The following IL1RAPL1 variants were observed in gnomAD, a reference collection of about 807,000 sequenced individuals.
IL1RAPL1 encodes interleukin-1 receptor accessory protein-like 1.
IL1RAPL1 carries 3 observed loss-of-function variants against 48.4 expected under a neutral mutation model. The ratio of observed to expected loss-of-function variants is 0.06; its 90% CI spans 0.03 to 0.16. IL1RAPL1 has a LOEUF of 0.16. Ranked by LOEUF, IL1RAPL1 falls within the 10% of genes least tolerant of loss-of-function variation. IL1RAPL1 has a pLI of 1.00. For missense variants in IL1RAPL1, 349 were observed against 530.6 expected (o/e 0.66, Z 3.36); for synonymous variants, 185 against 187.7 (o/e 0.99, Z 0.12).
intron 6 of IL1RAPL1, among the ~76,000 whole-genome samples, chrX:29,709,910 T>C (rs1340825126): frequency 2.0e-4 from 22 of 112,124 alleles, no homozygotes; most frequent in South Asian, 3.6e-4. Context: ...CTAAGTATTT[T>C]ACTGTTTTTA....
At chrX:29,605,997 G>A (rs1214479602) in intron 5 of IL1RAPL1, among the ~76,000 whole-genome samples, 5 of 111,813 alleles carry the variant, frequency 4.5e-5, no homozygotes, top group Non-Finnish European at 7.5e-5. Context: ...TGTTTTCTCC[G>A]TAGTAAGAAA....
rs749044771 is a variant in IL1RAPL1, at chrX:29,222,510, C to G, written c.83-60428C>G. Among the ~76,000 whole-genome samples the G allele has an allele frequency of 2.7e-5, 3 of 111,958 alleles. No individual in the cohort carries two copies. The East Asian group carries it at 8.4e-4, about 31-fold the overall frequency. ...ATTATTGGAACATAAGGACATATGA[C>G]TGACTACCTTGCACTTAGGAGTTGT... On this transcript the variant is annotated intron_variant, in intron 2 of 10. Coordinates refer to ENST00000378993, the MANE Select transcript of IL1RAPL1 (RefSeq NM_014271.4).
chrX:29,010,536 C>G (rs778336311), intron 2 of IL1RAPL1, among the ~76,000 whole-genome samples: 2 of 111,948 alleles, frequency 1.8e-5, no homozygotes, highest in Non-Finnish European at 3.8e-5. Flanking sequence ...CTTATACATT[C>G]ATATTTTTAA....
At chrX:29,178,768 T>G (rs1245207193) in intron 2 of IL1RAPL1, among the ~76,000 whole-genome samples, 2 of 112,129 alleles carry the variant, frequency 1.8e-5, no homozygotes, top group African/African-American at 6.5e-5. Context: ...GAATTAATTT[T>G]TGTAAAAGGT....
chrX:29,158,967 T>C (rs1244537167), intron 2 of IL1RAPL1, among the ~76,000 whole-genome samples: 1 of 78,208 alleles, frequency 1.3e-5, no homozygotes, highest in Non-Finnish European at 2.4e-5. Flanking sequence ...TCTCTCTCTC[T>C]CTCTCTTTCC....
At chrX:29,252,031 C>CGGCCGG (rs1569269843) in intron 2 of IL1RAPL1, among the ~76,000 whole-genome samples, 6 of 92,094 alleles carry the variant, frequency 6.5e-5, no homozygotes, top group Admixed American at 2.5e-4. Context: ...AACCAAACAC[C>CGGCCGG]GCGTGTTCTC....
intron 5 of IL1RAPL1, 40 bp from the exon 6 acceptor site, chrX:29,668,390 A>AACT (rs1270283243): frequency 9.3e-7 from 1 of 1,079,315 alleles, no homozygotes; most frequent in Non-Finnish European, 1.3e-6. Context: ...TATGCAGCAT[A>AACT]ACTATAAGTC....
chrX:28,704,421 A>ACACAC (rs1935340175), intron 1 of IL1RAPL1, among the ~76,000 whole-genome samples: 2 of 89,522 alleles, frequency 2.2e-5, no homozygotes, highest in African/African-American at 8.2e-5. Context: ...AAAACACACA[A>ACACAC]ACACACACAC....
At chrX:28,764,025 C>T (rs1024645655) in intron 1 of IL1RAPL1, among the ~76,000 whole-genome samples, 1 of 111,280 alleles carries the variant, frequency 9.0e-6, no homozygotes, top group Non-Finnish European at 1.9e-5. Flanking sequence ...GAACTTGAAA[C>T]TCTGCTCAAT....
intron 5 of IL1RAPL1, among the ~76,000 whole-genome samples, chrX:29,438,133 C>A (rs1480700356): frequency 9.0e-6 from 1 of 110,751 alleles, no homozygotes; most frequent in Non-Finnish European, 1.9e-5. Context: ...GAGAATAGAT[C>A]CATTTTATCT....
At chrX:29,517,972 G>A (rs1333474947) in intron 5 of IL1RAPL1, among the ~76,000 whole-genome samples, 1 of 111,864 alleles carries the variant, frequency 8.9e-6, no homozygotes, top group East Asian at 2.8e-4. Context: ...TTTCCAGAGA[G>A]AAGAGGAAGA....
chrX:28,665,484 AC>A (rs2146911355), intron 1 of IL1RAPL1, among the ~76,000 whole-genome samples: 1 of 110,938 alleles, frequency 9.0e-6, no homozygotes, highest in South Asian at 3.9e-4. Context: ...TATAAGTGGT[AC>A]TTTTTTTTTG....
At chrX:29,621,323 G>T (rs1346784706) in intron 5 of IL1RAPL1, among the ~76,000 whole-genome samples, 1 of 111,040 alleles carries the variant, frequency 9.0e-6, no homozygotes, top group Non-Finnish European at 1.9e-5. Flanking sequence ...ACATGAACAT[G>T]TATAAGTATA....
Position 28,615,199 on chromosome X carries a change from G to GTTTTTTTT in IL1RAPL1, c.-25+27180_-25+27187dup, listed in dbSNP as rs778402885. Among the ~76,000 whole-genome samples the GTTTTTTTT allele has an allele frequency of 3.7e-3, 96 of 26,033 alleles. 14 individuals carry two copies. The highest frequency in any genetic ancestry group is 6.0e-3 in the African/African-American group (42 of 7,043). 22.6% of individuals were successfully genotyped at this position (26,033 alleles called of 115,157 possible). The stretch of plus-strand genomic sequence containing the variant: ...CACTGCGCCTGGCCAACTGTTGTCT[G>GTTTTTTTT]TTTTTTTTTTTTTTTTTTTTTTTTT... On this transcript the variant is annotated intron_variant, in intron 1 of 10. Transcript: ENST00000378993.
chrX:29,538,035 C>T (rs952622300), intron 5 of IL1RAPL1, among the ~76,000 whole-genome samples: 2 of 110,112 alleles, frequency 1.8e-5, no homozygotes, highest in Non-Finnish European at 3.8e-5. Flanking sequence ...AATATATGAC[C>T]GTGTTTACTA....
chrX:28,838,017 T>A (rs1257950848), intron 2 of IL1RAPL1, among the ~76,000 whole-genome samples: 1 of 110,600 alleles, frequency 9.0e-6, no homozygotes, highest in Non-Finnish European at 1.9e-5. Context: ...AGATTATGTA[T>A]CTTTGAGTGT....
intron 3 of IL1RAPL1, among the ~76,000 whole-genome samples, chrX:29,340,084 C>T (rs1353747171): frequency 2.7e-5 from 3 of 112,096 alleles, no homozygotes; most frequent in Non-Finnish European, 5.6e-5. Context: ...GTAGAGATTA[C>T]TGTTTATCTA....
At chrX:29,890,488 C>CTGAT (rs987226472) in intron 6 of IL1RAPL1, among the ~76,000 whole-genome samples, 1 of 111,732 alleles carries the variant, frequency 8.9e-6, no homozygotes. Context: ...AACGAAGAAC[C>CTGAT]TGATTGTAAC....
intron 5 of IL1RAPL1, among the ~76,000 whole-genome samples, chrX:29,531,501 C>G (rs1456960796): frequency 8.9e-6 from 1 of 112,031 alleles, no homozygotes; most frequent in African/African-American, 3.2e-5. Flanking sequence ...TTCTTTCTCA[C>G]TTCCTCTTTA....
Sources: gnomAD v4.1 joint callset for allele counts (sites outside exome capture counted in the v4.1 genomes callset) on GRCh38, gnomAD v4.1.1 for gene constraint, MANE v1.5 for transcripts, NCBI Gene and HGNC (gene_info 2026-07-23, HGNC 2026-07-21) for gene names.